CNTNAP2: variants seen among roughly 807,000 people sequenced by gnomAD.
The protein encoded by CNTNAP2 is contactin associated protein 2.
A neutral mutation model predicts 155.2 loss-of-function variants in CNTNAP2; 98 were observed. The observed-to-expected ratio is 0.63, with a 90% CI of 0.54 to 0.75. The LOEUF is 0.75. Ranked by LOEUF, CNTNAP2 falls within the 30% of genes least tolerant of loss-of-function variation. CNTNAP2 has a pLI of 0.00. For missense variants in CNTNAP2, 1,727 were observed against 1,688.1 expected (o/e 1.02, Z -0.40); for synonymous variants, 651 against 631.2 (o/e 1.03, Z -0.47).
chr7:146,425,255 A>G (rs1796071519), intron 1 of CNTNAP2, among the ~76,000 whole-genome samples: 1 of 152,160 alleles, frequency 6.6e-6, no homozygotes, highest in Non-Finnish European at 1.5e-5. Context: ...TGGATAGTTT[A>G]CTATTATGTC....
rs534381820 is a variant in CNTNAP2 at position 148,140,546 on chromosome 7, C to T, written c.2555-6945C>T. Among the ~76,000 whole-genome samples the T allele has an allele frequency of 5.9e-5, 9 of 152,098 alleles. No homozygotes were observed. The East Asian group carries it at 1.7e-3, about 30-fold the overall frequency. On this transcript the variant is annotated intron_variant, in intron 16 of 23. Coordinates refer to ENST00000361727, the MANE Select transcript of CNTNAP2 (RefSeq NM_014141.6). ...TCATGTGATTCTCTTGCCTCAGCCT[C>T]CCAAGTAGCCAGATTACAGGCATCT...
At chr7:148,208,132 C>T (rs908510109) in intron 18 of CNTNAP2, among the ~76,000 whole-genome samples, 2 of 150,782 alleles carry the variant, frequency 1.3e-5, no homozygotes, top group Admixed American at 6.6e-5. Context: ...CAAAGTGAAA[C>T]CCAAGTGCCT....
intron 2 of CNTNAP2, among the ~76,000 whole-genome samples, chr7:146,821,221 T>G (rs1400948253): frequency 2.0e-5 from 3 of 152,146 alleles, no homozygotes; most frequent in African/African-American, 7.2e-5. Flanking sequence ...TGTTAGCTGG[T>G]TATTTTGCTC....
intron 3 of CNTNAP2, among the ~76,000 whole-genome samples, chr7:146,947,514 A>G (rs1435687467): frequency 7.1e-6 from 1 of 140,840 alleles, no homozygotes; most frequent in African/African-American, 2.6e-5. Flanking sequence ...CTAGATATAT[A>G]TAGTGTGTAT....
At chr7:147,688,545 T>G (rs992070928) in intron 13 of CNTNAP2, among the ~76,000 whole-genome samples, 1 of 152,166 alleles carries the variant, frequency 6.6e-6, no homozygotes, top group African/African-American at 2.4e-5. Flanking sequence ...TTTTGTGTGC[T>G]TCTTAGATTC....
At chr7:147,433,856 T>A (rs1797504855) in intron 10 of CNTNAP2, among the ~76,000 whole-genome samples, 1 of 152,248 alleles carries the variant, frequency 6.6e-6, no homozygotes, top group Non-Finnish European at 1.5e-5. Flanking sequence ...ATGACCTTGG[T>A]AGGAACAATG....
intron 1 of CNTNAP2, among the ~76,000 whole-genome samples, chr7:146,721,792 A>T (rs1360531859): frequency 8.4e-6 from 1 of 119,040 alleles, no homozygotes; most frequent in Non-Finnish European, 1.7e-5. Context: ...TATAGTCTAC[A>T]TATATAGACT....
chr7:146,466,927 A>C (rs563286603), intron 1 of CNTNAP2, among the ~76,000 whole-genome samples: 2 of 152,280 alleles, frequency 1.3e-5, no homozygotes, highest in African/African-American at 4.8e-5. Flanking sequence ...TGTAAAAATT[A>C]ATATGGTTTA....
At position 146,451,855 on chromosome 7, in the gene CNTNAP2, C is replaced by CA. The variant is rs1397144486; in HGVS notation, c.98-322416_98-322415insA. ...ATATACATATATATATACACGTATTCTATATATATATATACGTATATATAC... is the reference window on the plus strand; with the variant it reads ...ATATACATATATATATACACGTATTCATATATATATATATACGTATATATAC... On this transcript the variant is annotated intron_variant, in intron 1 of 23. Transcript: ENST00000361727. Among the ~76,000 whole-genome samples, 16 of 131,460 alleles carry CA rather than the reference C, an allele frequency of 1.2e-4. 1 individual carries two copies. Among genetic ancestry groups the CA allele is most frequent in the African/African-American group, 4.8e-4 (16 of 33,008 alleles). 86.2% of individuals were successfully genotyped at this position (131,460 alleles called of 152,430 possible).
At chr7:147,882,521 A>C (rs1484405370) in intron 13 of CNTNAP2, among the ~76,000 whole-genome samples, 1 of 152,212 alleles carries the variant, frequency 6.6e-6, no homozygotes, top group Non-Finnish European at 1.5e-5. Context: ...CTAGGCTGTC[A>C]ACATTACCCT....
intron 10 of CNTNAP2, among the ~76,000 whole-genome samples, chr7:147,415,585 C>T (rs1273687886): frequency 1.3e-5 from 2 of 152,194 alleles, no homozygotes; most frequent in East Asian, 1.9e-4. Flanking sequence ...TTCCTGAGGT[C>T]TCCCTAGCCA....
chr7:146,937,493 G>C (rs1796944306), intron 3 of CNTNAP2, among the ~76,000 whole-genome samples: 1 of 152,046 alleles, frequency 6.6e-6, no homozygotes, highest in Non-Finnish European at 1.5e-5. Flanking sequence ...CTTTATTTCT[G>C]TTAAGAAGAG....
intron 8 of CNTNAP2, among the ~76,000 whole-genome samples, chr7:147,272,500 C>T (rs1584834926): frequency 6.6e-6 from 1 of 151,916 alleles, no homozygotes; most frequent in South Asian, 2.1e-4. Context: ...GCCATGTATT[C>T]CAGTTTCTAT....
rs922561608 is a variant in CNTNAP2 at position 146,821,931 on chromosome 7, A to T, written c.209-17780A>T. The stretch of plus-strand genomic sequence containing the variant: ...CAGTGTGGCGATTCCTCAGGGATCT[A>T]GAACTAGAAATACCATTTGACCCAG... On this transcript the variant is annotated intron_variant, in intron 2 of 23. Coordinates refer to ENST00000361727, the MANE Select transcript of CNTNAP2 (RefSeq NM_014141.6). Among the ~76,000 whole-genome samples, 6 of 151,598 alleles carry T rather than the reference A, an allele frequency of 4.0e-5. No individual in the cohort carries two copies. In the East Asian group the frequency reaches 1.2e-3, roughly 29 times the overall value.
At chr7:146,715,504 T>C (rs1801172317) in intron 1 of CNTNAP2, among the ~76,000 whole-genome samples, 1 of 128,428 alleles carries the variant, frequency 7.8e-6, no homozygotes. Context: ...CTAATCCAGC[T>C]GGACCTCTAC....
chr7:146,550,399 C>CTTTTTT (rs1584977002), intron 1 of CNTNAP2, among the ~76,000 whole-genome samples: 7 of 31,544 alleles, frequency 2.2e-4, no homozygotes, highest in African/African-American at 6.5e-4. Flanking sequence ...GTCCATTAAT[C>CTTTTTT]TGTTTTTTTT....
chr7:146,755,530 C>T (rs1432782288), intron 1 of CNTNAP2, among the ~76,000 whole-genome samples: 1 of 151,962 alleles, frequency 6.6e-6, no homozygotes, highest in African/African-American at 2.4e-5. Context: ...TCCAGGATAA[C>T]TTGTCAAGTG....
intron 1 of CNTNAP2, among the ~76,000 whole-genome samples, chr7:146,527,770 A>G (rs1797712140): frequency 6.6e-6 from 1 of 151,866 alleles, no homozygotes; most frequent in Admixed American, 6.6e-5. Context: ...GGATAATGTT[A>G]TTGCTGGGAT....
chr7:148,167,547 A>G (rs1562981447), intron 17 of CNTNAP2, among the ~76,000 whole-genome samples: 1 of 152,192 alleles, frequency 6.6e-6, no homozygotes, highest in Non-Finnish European at 1.5e-5. Context: ...GCAAGCAAGG[A>G]AGAGATTTAA....
Sources: allele counts gnomAD v4.1 joint callset (sites outside exome capture counted in the v4.1 genomes callset), GRCh38; gene constraint gnomAD v4.1.1; transcripts MANE v1.5; gene names NCBI Gene and HGNC (gene_info 2026-07-23, HGNC 2026-07-21).